Variants in GRIK3 observed in about 807,000 individuals in gnomAD.
The protein encoded by GRIK3 is glutamate ionotropic receptor kainate type subunit 3.
Under a neutral mutation model 102.5 loss-of-function variants are expected in GRIK3, and 29 were observed. The ratio of observed to expected loss-of-function variants is 0.28; its 90% confidence interval spans 0.21 to 0.39. GRIK3 has a LOEUF of 0.39. GRIK3 is among the 10% of genes least tolerant of loss of function. The probability of loss-of-function intolerance (pLI) is 1.00; values close to 1 mark genes in which losing one functional copy is unlikely to be tolerated. For synonymous variants in GRIK3, 511 were observed against 504.9 expected (o/e 1.01, Z -0.16); for missense variants, 908 against 1,252.4 (o/e 0.73, Z 4.15).
chr1:36,985,344 C>T (rs576816927), intron 1 of GRIK3, among the ~76,000 whole-genome samples: 2 of 152,240 alleles, frequency 1.3e-5, no homozygotes, highest in South Asian at 4.2e-4. Context: ...TGCTAAAAGC[C>T]TGGTCTTTCC....
intron 1 of GRIK3, among the ~76,000 whole-genome samples, chr1:36,924,085 G>C (rs1641501502): frequency 6.6e-6 from 1 of 152,206 alleles, no homozygotes; most frequent in South Asian, 2.1e-4. Flanking sequence ...TTCAGAGACA[G>C]CGGTGGGGCT....
intron 1 of GRIK3, among the ~76,000 whole-genome samples, chr1:37,012,363 G>A (rs1030415252): frequency 1.1e-4 from 16 of 152,194 alleles, no homozygotes; most frequent in African/African-American, 3.4e-4. Flanking sequence ...CTAAGTCTCT[G>A]TGGCTTTATC....
chr1:36,864,310 T>C (rs1640759629), intron 5 of GRIK3, among the ~76,000 whole-genome samples: 1 of 152,068 alleles, frequency 6.6e-6, no homozygotes, highest in Non-Finnish European at 1.5e-5. Flanking sequence ...TTTTGGACAG[T>C]GGTGTTATGC....
At chr1:36,917,641 G>A (rs1006525782) in intron 1 of GRIK3, among the ~76,000 whole-genome samples, 6 of 152,310 alleles carry the variant, frequency 3.9e-5, no homozygotes, top group Middle Eastern at 6.8e-3. Context: ...CTGCCACCAC[G>A]TGAGATGTGC....
chr1:37,009,618 G>A (rs1290048015), intron 1 of GRIK3, among the ~76,000 whole-genome samples: 1 of 152,172 alleles, frequency 6.6e-6, no homozygotes, highest in African/African-American at 2.4e-5. Context: ...GTGTGTGTGT[G>A]GTCCATTCGT....
At position 36,841,898 on chromosome 1, in the gene GRIK3, T is replaced by C. The variant is rs752450225; in HGVS notation, c.1368A>G (p.Leu456=). ...AGCCCTCGAACCGGTCATTCCCGTA[T>C]AGCGTCCTGTCTGATTTCCGAAACA... ...FVMFRKSDRT[L]YGNDRFEGYC... The change falls in exon 10 of 16, where the codon CTA becomes CTG. Residue 456 remains leucine (L), a synonymous_variant. Coordinates refer to ENST00000373091, the MANE Select transcript of GRIK3 (RefSeq NM_000831.4). 6.2e-7 allele frequency: 1 copy of C among 1,614,206 alleles called. No homozygotes were observed. The highest frequency in any genetic ancestry group is 1.7e-5 in the Admixed American group (1 of 60,028).
chr1:36,863,080 T>C (rs576346260), intron 5 of GRIK3, among the ~76,000 whole-genome samples: 3 of 152,310 alleles, frequency 2.0e-5, no homozygotes, highest in South Asian at 4.2e-4. Context: ...TTGATTCACA[T>C]GGGCACACGA....
At chr1:36,875,727 C>T (rs1197877943) in intron 3 of GRIK3, among the ~76,000 whole-genome samples, 6 of 152,200 alleles carry the variant, frequency 3.9e-5, no homozygotes, top group Non-Finnish European at 5.9e-5. Flanking sequence ...CCCAGAAAAA[C>T]GACCTAGCCA....
At chr1:36,919,255 C>T (rs1354497150) in intron 1 of GRIK3, among the ~76,000 whole-genome samples, 1 of 152,088 alleles carries the variant, frequency 6.6e-6, no homozygotes, top group East Asian at 1.9e-4. Flanking sequence ...GTGATAAACT[C>T]AGTGTTCAAG....
At position 36,976,178 on chromosome 1, in the gene GRIK3, G is replaced by T. The variant is rs551184253; in HGVS notation, c.115+57816C>A. Among the ~76,000 whole-genome samples the T allele has an allele frequency of 1.1e-4, 17 of 152,182 alleles. 1 individual carries two copies. The South Asian group carries it at 3.3e-3, about 30-fold the overall frequency. On this transcript the variant is annotated intron_variant, in intron 1 of 15. Coordinates refer to ENST00000373091, the MANE Select transcript of GRIK3 (RefSeq NM_000831.4). ...AGAGAGGAAGCTGGATGTGCGATGGGCCCTTGAATGCCAACCTCAGGCATT... is the reference window on the plus strand; with the variant it reads ...AGAGAGGAAGCTGGATGTGCGATGGTCCCTTGAATGCCAACCTCAGGCATT...
At chr1:36,839,944 C>T (rs908103293) in intron 10 of GRIK3, among the ~76,000 whole-genome samples, 5 of 152,192 alleles carry the variant, frequency 3.3e-5, no homozygotes, top group Non-Finnish European at 7.3e-5. Context: ...GGGGGCTTAA[C>T]CGAAGTCCCT....
chr1:36,843,064 A>G (rs1320496331), intron 9 of GRIK3, among the ~76,000 whole-genome samples: 1 of 152,110 alleles, frequency 6.6e-6, no homozygotes, highest in African/African-American at 2.4e-5. Flanking sequence ...TGAACAGAGC[A>G]TGACTTTGTC....
At chr1:37,018,075 ACT>A (rs1184378005) in intron 1 of GRIK3, among the ~76,000 whole-genome samples, 2 of 151,968 alleles carry the variant, frequency 1.3e-5, no homozygotes, top group African/African-American at 4.8e-5. Context: ...GCTTCAGACC[ACT>A]CTGCTTCTCT....
At chr1:36,967,216 C>T (rs1642089864) in intron 1 of GRIK3, among the ~76,000 whole-genome samples, 1 of 152,224 alleles carries the variant, frequency 6.6e-6, no homozygotes, top group Non-Finnish European at 1.5e-5. Context: ...TTCTGGTCCT[C>T]ACTTCTCTTC....
chr1:36,981,561 A>T (rs1200875554), intron 1 of GRIK3, among the ~76,000 whole-genome samples: 1 of 152,102 alleles, frequency 6.6e-6, no homozygotes, highest in Non-Finnish European at 1.5e-5. Context: ...TGGAGAGAAG[A>T]ATTTGTCTAC....
rs375095391 is a variant in GRIK3 at position 36,909,593 on chromosome 1, GC to G, written c.116-18498del. ...TAGGATGACAGGTGTGAGCCACTGC[GC>G]CCGGCCTTTTTTTCTTTTTTATCGG... is the stretch of plus-strand genomic sequence containing the variant. On this transcript the variant is annotated intron_variant, in intron 1 of 15. Transcript: ENST00000373091. 2.3e-4 allele frequency among the ~76,000 whole-genome samples: 35 copies of G among 152,176 alleles called. No individual in the cohort carries two copies. In the East Asian group the frequency reaches 5.8e-3, roughly 25 times the overall value.
In GRIK3 at chr1:36,801,768, G is replaced by A; in HGVS notation, c.*83C>T. 2.4e-6 allele frequency: 3 copies of A among 1,226,696 alleles called. No homozygotes were observed. Among genetic ancestry groups the A allele is most frequent in the Admixed American group, 2.5e-5 (1 of 39,322 alleles). 76.0% of individuals were successfully genotyped at this position (1,226,696 alleles called of 1,614,324 possible). A position where few individuals can be genotyped will look rare whatever the true frequency, so the allele number is the denominator to read the frequency against. On this transcript the variant is annotated 3_prime_UTR_variant, in exon 16 of 16. Coordinates refer to ENST00000373091, the MANE Select transcript of GRIK3 (RefSeq NM_000831.4). ...GGCAGCTCTGGTCCCCAAGCCCAGT[G>A]CGGGGACAGGGGACGTTCCTTCCAA...
rs1557712191 is a variant in GRIK3 at position 36,880,910 on chromosome 1, C to T, written c.293-19G>A. 3.1e-6 allele frequency: 5 copies of T among 1,587,318 alleles called. No homozygotes were observed. The highest frequency in any genetic ancestry group is 2.7e-5 in the African/African-American group (2 of 74,254). On this transcript the variant is annotated intron_variant, in intron 2 of 15. Transcript: ENST00000373091. The surrounding 1 kb of genome is among the most constrained non-coding windows in gnomAD (Gnocchi z 5.4). ...TCACAGGCTGCAACAGAGGGTAGGG[C>T]AGCACAGGGGTCAGCACTGGGGCTG... is the stretch of plus-strand genomic sequence containing the variant.
intron 1 of GRIK3, among the ~76,000 whole-genome samples, chr1:36,957,453 C>CCG (rs1557440335): frequency 1.0e-4 from 13 of 125,958 alleles, no homozygotes; most frequent in Admixed American, 3.0e-4. Flanking sequence ...AGTCTGTGCC[C>CCG]TGTGAGCCTA....
Sources: allele counts gnomAD v4.1 joint callset (sites outside exome capture counted in the v4.1 genomes callset), GRCh38; gene constraint gnomAD v4.1.1; non-coding constraint Gnocchi (gnomAD v3.1); transcripts MANE v1.5; gene names NCBI Gene and HGNC (gene_info 2026-07-23, HGNC 2026-07-21).